Variants in CSNK1G2 observed in about 807,000 individuals in gnomAD.
CSNK1G2 encodes casein kinase 1 gamma 2.
A neutral mutation model predicts 48.0 loss-of-function variants in CSNK1G2; 11 were observed. That is an observed-to-expected ratio of 0.23 (90% confidence interval 0.14 to 0.38). The LOEUF is 0.38. Ranked by LOEUF, CSNK1G2 falls within the 10% of genes least tolerant of loss-of-function variation. The pLI, the probability that CSNK1G2 is intolerant of heterozygous loss-of-function variation, is 1.00. For synonymous variants in CSNK1G2, 337 were observed against 254.1 expected (o/e 1.33, Z -3.10); for missense variants, 446 against 595.5 (o/e 0.75, Z 2.61).
intron 2 of CSNK1G2, chr19:1,975,901 G>A: frequency 1.7e-6 from 1 of 602,212 alleles, no homozygotes; most frequent in Non-Finnish European, 2.1e-6. Context: ...CCAGGTTGAT[G>A]GTGCCTGCCT....
At chr19:1,977,305 C>T (rs1389445400) in intron 2 of CSNK1G2, among the ~76,000 whole-genome samples, 4 of 152,316 alleles carry the variant, frequency 2.6e-5, no homozygotes, top group South Asian at 2.1e-4. Flanking sequence ...CTGCAGGGAC[C>T]GGCCTGTTCA....
At position 1,968,219 on chromosome 19, in the gene CSNK1G2, A is replaced by C. The variant is rs1167205591; in HGVS notation, c.-265-1289A>C. Among the ~76,000 whole-genome samples, 22 of 15,440 alleles carry C rather than the reference A, an allele frequency of 1.4e-3. No individual in the cohort carries two copies. The East Asian group carries it at 0.025, about 18-fold the overall frequency. 10.1% of individuals were successfully genotyped at this position (15,440 alleles called of 152,430 possible). A position where few individuals can be genotyped will look rare whatever the true frequency, so the allele number is the denominator to read the frequency against. ...TCCTCCCTCCTCCCCAGGCTGCCCC[A>C]GACCACCCTTCAGTTCTGCAGGTGG... On this transcript the variant is annotated intron_variant, in intron 1 of 11. Coordinates refer to ENST00000255641, the MANE Select transcript of CSNK1G2 (RefSeq NM_001319.7).
At chr19:1,959,796 G>A (rs74186978) in intron 1 of CSNK1G2, among the ~76,000 whole-genome samples, 12 of 96,352 alleles carry the variant, frequency 1.2e-4, no homozygotes, top group South Asian at 3.3e-4. Flanking sequence ...TGCCACCCTG[G>A]GTCCCCCAGC....
chr19:1,961,495 C>T (rs2015198703), intron 1 of CSNK1G2, among the ~76,000 whole-genome samples: 1 of 152,260 alleles, frequency 6.6e-6, no homozygotes, highest in Admixed American at 6.5e-5. Flanking sequence ...CCAGAAGGCC[C>T]TGCTGGTGGG....
chr19:1,970,005 G>T, intron 2 of CSNK1G2, 46 bp downstream of exon 2: 8 of 1,285,108 alleles, frequency 6.2e-6, no homozygotes, highest in Non-Finnish European at 7.9e-6. Context: ...GCTGCTGGCA[G>T]GGCCGCCCCG....
intron 2 of CSNK1G2, chr19:1,976,114 G>C (rs2015744665): frequency 2.3e-6 from 3 of 1,289,396 alleles, no homozygotes; most frequent in Non-Finnish European, 2.0e-6. Context: ...CCGTGTGGCA[G>C]GTTTAGTTCT....
intron 1 of CSNK1G2, among the ~76,000 whole-genome samples, chr19:1,943,755 G>C (rs994451190): frequency 6.6e-6 from 1 of 152,234 alleles, no homozygotes; most frequent in African/African-American, 2.4e-5. Context: ...GGAGTTGCTT[G>C]CCCTGGGGCA....
At position 1,979,912 on chromosome 19, in the gene CSNK1G2, C is replaced by T. The variant is rs147621530; in HGVS notation, c.1088C>T (p.Ala363Val). ...GTGACCCCCTACTGCCCCCACCAGGCGTTGAACTCCACCAACGGGGAGCTG... is the reference window on the plus strand; with the variant it reads ...GTGACCCCCTACTGCCCCCACCAGGTGTTGAACTCCACCAACGGGGAGCTG... ...DKTQPHSKNQALNSTNGELNA... is the reference protein window; with the variant it reads ...DKTQPHSKNQVLNSTNGELNA... Residue 363 changes from alanine to valine, a missense_variant and splice_region_variant, in exon 11 of 12, where the codon GCG becomes GTG. This residue lies in a region of CSNK1G2 where 188 missense variants were observed against 179.6 expected (regional missense o/e 1.05). Transcript: ENST00000255641. The T allele has an allele frequency of 2.0e-5, 32 of 1,607,062 alleles. No homozygotes were observed. The African/African-American group carries it at 2.7e-4, about 13-fold the overall frequency.
At position 1,980,035 on chromosome 19, in the gene CSNK1G2, T is replaced by C; in HGVS notation, c.1193+18T>C. On this transcript the variant is annotated intron_variant, in intron 11 of 11. Coordinates refer to ENST00000255641, the MANE Select transcript of CSNK1G2 (RefSeq NM_001319.7). ...GAAACCAAGTAAGGCTCTGGGGCGG[T>C]GCCTTCGGGGAGGTGGGGGTGCCCT... 6.3e-7 allele frequency: 1 copy of C among 1,580,496 alleles called. No individual in the cohort carries two copies. Among genetic ancestry groups the C allele is most frequent in the Non-Finnish European group, 8.6e-7 (1 of 1,163,442 alleles).
chr19:1,950,819 A>C (rs1422236248), intron 1 of CSNK1G2, among the ~76,000 whole-genome samples: 1 of 146,622 alleles, frequency 6.8e-6, no homozygotes, highest in Non-Finnish European at 1.5e-5. Flanking sequence ...TGGGGCATCC[A>C]GGAGGGAGGG....
chr19:1,960,440 G>A (rs1463361376), intron 1 of CSNK1G2, among the ~76,000 whole-genome samples: 1 of 152,226 alleles, frequency 6.6e-6, no homozygotes, highest in African/African-American at 2.4e-5. Context: ...GGCCTCAGGC[G>A]GGGCCTCTGG....
chr19:1,966,625 G>A (rs1203051562), intron 1 of CSNK1G2, among the ~76,000 whole-genome samples: 1 of 152,182 alleles, frequency 6.6e-6, no homozygotes, highest in Non-Finnish European at 1.5e-5. Context: ...AAGACGTTCT[G>A]CTGTGGGTAA....
chr19:1,975,793 T>C (rs528520715), intron 2 of CSNK1G2: 4 of 983,634 alleles, frequency 4.1e-6, no homozygotes, highest in East Asian at 1.1e-4. Context: ...CCCAACACTT[T>C]GGGAGGCTGA....
rs753769577 is a variant in CSNK1G2, at chr19:1,979,412, T to TCCCTGCGCCCCCG, written c.853+15_853+27dup. 6.4e-7 allele frequency: 1 copy of TCCCTGCGCCCCCG among 1,557,810 alleles called. No homozygotes were observed. Among genetic ancestry groups the TCCCTGCGCCCCCG allele is most frequent in the African/African-American group, 1.4e-5 (1 of 73,202 alleles). ...CTGCGAGAACTTCCCAGGTAAGGGG[T>TCCCTGCGCCCCCG]CCCTGCGCCCCCGCCCTGTGCCCCC... On this transcript the variant is annotated intron_variant, in intron 8 of 11. Coordinates refer to ENST00000255641, the MANE Select transcript of CSNK1G2 (RefSeq NM_001319.7).
intron 2 of CSNK1G2, chr19:1,975,103 C>G: frequency 1.0e-6 from 1 of 985,446 alleles, no homozygotes; most frequent in Non-Finnish European, 1.2e-6. Flanking sequence ...AAGGTTTCTT[C>G]CACAGTGCAG....
chr19:1,978,541 G>T lies in CSNK1G2; in HGVS notation c.298+30G>T. 1 of 1,567,860 alleles carries T rather than the reference G, an allele frequency of 6.4e-7. No homozygotes were observed. Among genetic ancestry groups the T allele is most frequent in the Non-Finnish European group, 8.6e-7 (1 of 1,157,510 alleles). On this transcript the variant is annotated intron_variant, in intron 4 of 11. Transcript: ENST00000255641. This position sits in a 1 kb window ranked among gnomAD's most constrained non-coding sequence, Gnocchi z 7.3. ...CGGGCGGCCCGCGGGTGGGGCGGGG[G>T]CTGCGCAGGGGCAGGGAGGGGGCTG... is the stretch of plus-strand genomic sequence containing the variant.
intron 1 of CSNK1G2, chr19:1,954,292 C>T (rs563804197): frequency 4.1e-6 from 1 of 243,518 alleles, no homozygotes; most frequent in Admixed American, 4.6e-5. Flanking sequence ...ATGTGCTGCC[C>T]TGGTGTTCGG....
In CSNK1G2 at chr19:1,951,281, T is replaced by C. The variant is rs1250423286; in HGVS notation, c.-266+9863T>C. Among the ~76,000 whole-genome samples the C allele has an allele frequency of 1.4e-5, 2 of 144,460 alleles. 1 individual carries two copies. The highest frequency in any genetic ancestry group is 1.4e-4 in the Admixed American group (2 of 14,406). The allele number at this position is 144,460 out of a possible 152,430, so 94.8% of individuals were successfully genotyped here. Reference sequence around the variant, plus strand: ...AGCCGGGCGTGGTGGCGGGCGCCTGTAGTCCCAGCTACTCGGGAGGCTGAG... The same window carrying C: ...AGCCGGGCGTGGTGGCGGGCGCCTGCAGTCCCAGCTACTCGGGAGGCTGAG... On this transcript the variant is annotated intron_variant, in intron 1 of 11. Coordinates refer to ENST00000255641, the MANE Select transcript of CSNK1G2 (RefSeq NM_001319.7).
intron 1 of CSNK1G2, chr19:1,953,755 A>G (rs2014872446): frequency 2.3e-6 from 1 of 431,254 alleles, no homozygotes; most frequent in Non-Finnish European, 4.8e-6. Flanking sequence ...CCCAGCTGCC[A>G]TTGTGCAGCC....
Sources: allele counts gnomAD v4.1 joint callset (sites outside exome capture counted in the v4.1 genomes callset), GRCh38; gene constraint gnomAD v4.1.1; regional missense constraint gnomAD v4.1.1; non-coding constraint Gnocchi (gnomAD v3.1); transcripts MANE v1.5; gene names NCBI Gene and HGNC (gene_info 2026-07-23, HGNC 2026-07-21).